Variants in ASIC1 observed in about 807,000 individuals in gnomAD.
ASIC1 encodes the protein acid-sensing ion channel 1.
ASIC1 carries 21 observed loss-of-function variants against 63.4 expected under a neutral mutation model. The ratio of observed to expected loss-of-function variants is 0.33; its 90% CI spans 0.23 to 0.48. The LOEUF (loss-of-function observed/expected upper bound fraction) is 0.48, where lower values mean the gene tolerates loss of function less well. Among genes scored for constraint, ASIC1 ranks in the 20% least tolerant of loss-of-function variants. ASIC1 has a pLI of 0.99. For missense variants in ASIC1, 478 were observed against 695.5 expected, an observed-to-expected ratio of 0.69 and a Z score of 3.52; for synonymous variants, 258 against 278.2, an observed-to-expected ratio of 0.93 and a Z score of 0.72.
At chr12:50,081,024 C>A in intron 9 of ASIC1, 78 bp from the exon 10 acceptor site, 1 of 1,299,426 alleles carries the variant, frequency 7.7e-7, no homozygotes, top group Non-Finnish European at 1.1e-6. Flanking sequence ...ATACAACTTG[C>A]CTGCCCCAGT....
chr12:50,081,819 C>G lies in ASIC1; in HGVS notation c.*170C>G, dbSNP rs1027342555. Reference sequence around the variant, plus strand: ...TGACCATAGAGTCCTCTCTCTGCCTCTATCCCATTCTTTTTACATTTAACA... The same window carrying G: ...TGACCATAGAGTCCTCTCTCTGCCTGTATCCCATTCTTTTTACATTTAACA... On this transcript the variant is annotated 3_prime_UTR_variant, in exon 12 of 12. Coordinates refer to ENST00000447966, the MANE Select transcript of ASIC1 (RefSeq NM_001095.4). 1 of 609,652 alleles carries G rather than the reference C, an allele frequency of 1.6e-6. No individual in the cohort carries two copies. Among genetic ancestry groups the G allele is most frequent in the Non-Finnish European group, 2.9e-6 (1 of 348,932 alleles). 37.8% of individuals were successfully genotyped at this position (609,652 alleles called of 1,614,324 possible).
chr12:50,065,202 C>T (rs1159028443), intron 3 of ASIC1, among the ~76,000 whole-genome samples: 1 of 152,186 alleles, frequency 6.6e-6, no homozygotes, highest in Non-Finnish European at 1.5e-5. Context: ...CTTTCCCTCA[C>T]TTGTATGTTT....
intron 3 of ASIC1, among the ~76,000 whole-genome samples, chr12:50,060,915 A>C (rs1426863551): frequency 6.6e-6 from 1 of 152,250 alleles, no homozygotes; most frequent in Admixed American, 6.5e-5. Context: ...CCCTTGATAC[A>C]TAATCACATT....
intron 3 of ASIC1, among the ~76,000 whole-genome samples, chr12:50,066,779 G>C (rs954626185): frequency 2.0e-5 from 3 of 152,142 alleles, no homozygotes; most frequent in African/African-American, 7.2e-5. Context: ...CTCAGCGGAT[G>C]ACCTTGGCTA....
intron 4 of ASIC1, 53 bp downstream of exon 4, chr12:50,077,416 G>T: frequency 6.2e-7 from 1 of 1,607,128 alleles, no homozygotes; most frequent in Non-Finnish European, 8.5e-7. Context: ...CCCAGCCTCT[G>T]CCAGGGGATT....
chr12:50,074,860 CTGTGTGTGTGTG>C lies in ASIC1; in HGVS notation c.559-2317_559-2306del, dbSNP rs376276861. Among the ~76,000 whole-genome samples, 422 of 141,514 alleles carry C rather than the reference CTGTGTGTGTGTG, an allele frequency of 3.0e-3. 4 individuals carry two copies. Among genetic ancestry groups the C allele is most frequent in the African/African-American group, 4.8e-3 (180 of 37,618 alleles). 92.8% of individuals were successfully genotyped at this position (141,514 alleles called of 152,430 possible). ...TATGGACGCCCCACCCCCACCAGCT[CTGTGTGTGTGTG>C]TGTGTGTGTGTGTGTGTGTGTGTGT... On this transcript the variant is annotated intron_variant, in intron 3 of 11. Coordinates refer to ENST00000447966, the MANE Select transcript of ASIC1 (RefSeq NM_001095.4). This position sits in a 1 kb window ranked among gnomAD's most constrained non-coding sequence, Gnocchi z 4.2.
At chr12:50,061,917 T>C (rs1950504482) in intron 3 of ASIC1, among the ~76,000 whole-genome samples, 1 of 152,188 alleles carries the variant, frequency 6.6e-6, no homozygotes, top group Non-Finnish European at 1.5e-5. Flanking sequence ...ATTATTCCTC[T>C]TACTCAGGGG....
chr12:50,078,983 G>A lies in ASIC1; in HGVS notation c.1051+3G>A. 3 of 1,613,378 alleles carry A rather than the reference G, an allele frequency of 1.9e-6. No individual in the cohort carries two copies. Among genetic ancestry groups the A allele is most frequent in the Non-Finnish European group, 2.5e-6 (3 of 1,179,750 alleles). ...GGAGTGTGCAGATCCTGCTCTGGGT[G>A]AGCGCCCCTGGCCTGGGGCAGTCTG... On this transcript the variant is annotated splice_donor_region_variant and intron_variant, in intron 7 of 11. Coordinates refer to ENST00000447966, the MANE Select transcript of ASIC1 (RefSeq NM_001095.4). The surrounding 1 kb of genome is among the most constrained non-coding windows in gnomAD (Gnocchi z 6.0).
rs1428922181 is a variant in ASIC1 at position 50,082,451 on chromosome 12, A to G, written c.*802A>G. On this transcript the variant is annotated 3_prime_UTR_variant, in exon 12 of 12. Transcript: ENST00000447966. ...TGGTCCCTCTCCCGGAGGCCCTTGTAGAGGGCCACGTCCATAAATTTTCTT... is the reference window on the plus strand; with the variant it reads ...TGGTCCCTCTCCCGGAGGCCCTTGTGGAGGGCCACGTCCATAAATTTTCTT... 1 of 152,430 alleles carries G rather than the reference A, an allele frequency of 6.6e-6. No homozygotes were observed. The highest frequency in any genetic ancestry group is 2.4e-5 in the African/African-American group (1 of 41,418). 9.4% of individuals were successfully genotyped at this position (152,430 alleles called of 1,614,324 possible).
At position 50,074,841 on chromosome 12, in the gene ASIC1, C is replaced by T. The variant is rs370353615; in HGVS notation, c.559-2372C>T. Among the ~76,000 whole-genome samples the T allele has an allele frequency of 3.1e-4, 46 of 150,582 alleles. No individual in the cohort carries two copies. The highest frequency in any genetic ancestry group is 4.2e-4 in the South Asian group (2 of 4,730). ...TGGTCTTCCTGTGCCCTCCTATGGACGCCCCACCCCCACCAGCTCTGTGTG... is the reference window on the plus strand; with the variant it reads ...TGGTCTTCCTGTGCCCTCCTATGGATGCCCCACCCCCACCAGCTCTGTGTG... On this transcript the variant is annotated intron_variant, in intron 3 of 11. Coordinates refer to ENST00000447966, the MANE Select transcript of ASIC1 (RefSeq NM_001095.4). The surrounding 1 kb of genome is among the most constrained non-coding windows in gnomAD (Gnocchi z 4.2).
intron 3 of ASIC1, among the ~76,000 whole-genome samples, chr12:50,061,481 A>G (rs781192931): frequency 3.3e-5 from 5 of 152,186 alleles, no homozygotes; most frequent in Admixed American, 6.5e-5. Context: ...GCTTGAGACC[A>G]GAGGGTTTGC....
At chr12:50,080,295 C>T in intron 8 of ASIC1, 2 of 758,074 alleles carry the variant, frequency 2.6e-6, no homozygotes, top group Non-Finnish European at 2.1e-6. Flanking sequence ...TCACTTTATA[C>T]TTGATGCATA....
At chr12:50,079,578 C>T (rs1245359064) in intron 7 of ASIC1, among the ~76,000 whole-genome samples, 1 of 152,108 alleles carries the variant, frequency 6.6e-6, no homozygotes, top group African/African-American at 2.4e-5. Flanking sequence ...AAGAAATATC[C>T]ATGGGGAGGC....
At chr12:50,079,487 C>T (rs973385658) in intron 7 of ASIC1, among the ~76,000 whole-genome samples, 1 of 152,140 alleles carries the variant, frequency 6.6e-6, no homozygotes, top group Admixed American at 6.5e-5. Context: ...CAGAGGTCAC[C>T]TGGGAATGGC....
rs199706928 is a variant in ASIC1 at position 50,080,637 on chromosome 12, G to A, written c.1297+48G>A. The A allele has an allele frequency of 1.2e-5, 19 of 1,614,166 alleles. No homozygotes were observed. In the Admixed American group the frequency reaches 2.0e-4, roughly 17 times the overall value. On this transcript the variant is annotated intron_variant, in intron 9 of 11. Coordinates refer to ENST00000447966, the MANE Select transcript of ASIC1 (RefSeq NM_001095.4). Reference sequence around the variant, plus strand: ...CCCCTTCTCATGCCATGGGCATGGCGTGGCTCCCTATCATCCAAAAGCAGG... The same window carrying A: ...CCCCTTCTCATGCCATGGGCATGGCATGGCTCCCTATCATCCAAAAGCAGG...
chr12:50,081,188 G>C lies in ASIC1; in HGVS notation c.1377+7G>C, dbSNP rs765241275. 2 of 1,610,370 alleles carry C rather than the reference G, an allele frequency of 1.2e-6. No individual in the cohort carries two copies. Among genetic ancestry groups the C allele is most frequent in the Admixed American group, 3.4e-5 (2 of 59,422 alleles). ...CTTTGACTACGCCTACGAGGTAAGC[G>C]GGGGCGAGGCCCGGCACGGGGCCAC... is the stretch of plus-strand genomic sequence containing the variant. On this transcript the variant is annotated splice_region_variant and intron_variant, in intron 10 of 11. Transcript: ENST00000447966.
chr12:50,065,046 C>G (rs909830927), intron 3 of ASIC1, among the ~76,000 whole-genome samples: 1 of 152,108 alleles, frequency 6.6e-6, no homozygotes, highest in African/African-American at 2.4e-5. Flanking sequence ...GGGAGTCCTC[C>G]CAATCTCCCC....
intron 3 of ASIC1, among the ~76,000 whole-genome samples, chr12:50,075,235 A>G (rs1413808942): frequency 1.3e-5 from 2 of 152,040 alleles, no homozygotes; most frequent in African/African-American, 2.4e-5. Context: ...GCATCATGGG[A>G]TGACTGCAGG....
chr12:50,066,628 C>T (rs987954410), intron 3 of ASIC1, among the ~76,000 whole-genome samples: 8 of 152,148 alleles, frequency 5.3e-5, no homozygotes, highest in Admixed American at 5.2e-4. Flanking sequence ...TATCACATTG[C>T]GTTCATGCTC....
Sources: allele counts gnomAD v4.1 joint callset (sites outside exome capture counted in the v4.1 genomes callset), GRCh38; gene constraint gnomAD v4.1.1; non-coding constraint Gnocchi (gnomAD v3.1); transcripts MANE v1.5; gene names NCBI Gene and HGNC (gene_info 2026-07-23, HGNC 2026-07-21).